DIP2C: variants seen among roughly 807,000 people sequenced by gnomAD.
DIP2C encodes DIP2 acetate--CoA ligase C (putative).
A neutral mutation model predicts 192.4 loss-of-function variants in DIP2C; 33 were observed. That is an observed-to-expected ratio of 0.17 (90% CI 0.13 to 0.23). The LOEUF (loss-of-function observed/expected upper bound fraction) is 0.23, where lower values mean the gene tolerates loss of function less well. Ranked by LOEUF, DIP2C falls within the 10% of genes least tolerant of loss-of-function variation. The pLI, the probability that DIP2C is intolerant of heterozygous loss-of-function variation, is 1.00. For missense variants in DIP2C, 1,537 were observed against 2,110.1 expected (o/e 0.73, Z 5.32); for synonymous variants, 979 against 864.1 (o/e 1.13, Z -2.33).
intron 1 of DIP2C, among the ~76,000 whole-genome samples, chr10:530,839 C>CG (rs1847322994): frequency 6.6e-6 from 1 of 152,100 alleles, no homozygotes. Flanking sequence ...CAAAGCCCCA[C>CG]GGCACTAACT....
intron 3 of DIP2C, among the ~76,000 whole-genome samples, chr10:442,287 C>G (rs1445419379): frequency 6.6e-6 from 1 of 152,092 alleles, no homozygotes; most frequent in Admixed American, 6.6e-5. Context: ...GAGACAGGAC[C>G]CAGACCCGCC....
At chr10:423,196 CATTT>C (rs1164040765) in intron 4 of DIP2C, among the ~76,000 whole-genome samples, 163 bp from the exon 5 acceptor site, 1 of 152,172 alleles carries the variant, frequency 6.6e-6, no homozygotes, top group African/African-American at 2.4e-5. Context: ...GATAATAAAC[CATTT>C]ATTTTAGCAT....
At chr10:325,424 C>G (rs1263209257) in intron 31 of DIP2C, among the ~76,000 whole-genome samples, 1 of 152,222 alleles carries the variant, frequency 6.6e-6, no homozygotes, top group Non-Finnish European at 1.5e-5. Flanking sequence ...ACGGGTTACT[C>G]TCTGCTCTCT....
intron 1 of DIP2C, among the ~76,000 whole-genome samples, chr10:577,751 G>A (rs1850259546): frequency 6.6e-6 from 1 of 151,978 alleles, no homozygotes; most frequent in Non-Finnish European, 1.5e-5. Flanking sequence ...GAAATGTAAG[G>A]CAACCTAGTA....
rs965998401 is a variant in DIP2C, at chr10:546,760, G to C, written c.86-60230C>G. On this transcript the variant is annotated intron_variant, in intron 1 of 36. Transcript: ENST00000280886. ...ACTGGTTAGAAAACACTGGTTCAGA[G>C]TTATGAGCAGCTTCCACATTTCATT... 1.0e-4 allele frequency among the ~76,000 whole-genome samples: 15 copies of C among 149,650 alleles called. No homozygotes were observed. In the South Asian group the frequency reaches 2.1e-3, roughly 21 times the overall value.
chr10:446,096 A>T (rs1302846031), intron 3 of DIP2C, among the ~76,000 whole-genome samples: 3 of 151,554 alleles, frequency 2.0e-5, no homozygotes, highest in African/African-American at 7.3e-5. Context: ...TGTTGCAAAG[A>T]GTCTCATGGT....
At chr10:576,102 A>G (rs1850132707) in intron 1 of DIP2C, among the ~76,000 whole-genome samples, 2 of 152,218 alleles carry the variant, frequency 1.3e-5, no homozygotes, top group African/African-American at 2.4e-5. Context: ...ACGCTCCTGT[A>G]CGGGTTTGCT....
chr10:551,620 G>A (rs1848592653), intron 1 of DIP2C, among the ~76,000 whole-genome samples: 1 of 152,202 alleles, frequency 6.6e-6, no homozygotes, highest in African/African-American at 2.4e-5. Context: ...AGAGAAAGGT[G>A]AGGGACTCAG....
chr10:621,497 AC>A (rs921045995), intron 1 of DIP2C, among the ~76,000 whole-genome samples: 1 of 145,610 alleles, frequency 6.9e-6, no homozygotes, highest in Non-Finnish European at 1.5e-5. Context: ...ATGAGCACAC[AC>A]CCCCCAGGGG....
chr10:668,124 C>T (rs1354102381), intron 1 of DIP2C: 2 of 151,228 alleles, frequency 1.3e-5, no homozygotes, highest in African/African-American at 4.9e-5. Flanking sequence ...CACAACACAA[C>T]ATACAACATA....
intron 1 of DIP2C, among the ~76,000 whole-genome samples, chr10:534,445 TTC>T (rs942006877): frequency 9.9e-5 from 15 of 152,190 alleles, no homozygotes; most frequent in Non-Finnish European, 1.8e-4. Context: ...GAAGAAATCC[TTC>T]TCTTTTTGTC....
chr10:422,361 C>A (rs888702570), intron 5 of DIP2C, among the ~76,000 whole-genome samples: 10 of 151,994 alleles, frequency 6.6e-5, no homozygotes, highest in African/African-American at 2.4e-4. Context: ...TGCTTTTTCT[C>A]ATACAGAGTA....
At chr10:550,910 G>A (rs1034849279) in intron 1 of DIP2C, among the ~76,000 whole-genome samples, 33 of 152,232 alleles carry the variant, frequency 2.2e-4, no homozygotes, top group Non-Finnish European at 8.8e-5. Flanking sequence ...GATGCGAACC[G>A]TGCACATGGC....
intron 1 of DIP2C, among the ~76,000 whole-genome samples, chr10:607,078 A>AGCACAGCCT (rs1554754073): frequency 6.6e-6 from 1 of 152,210 alleles, no homozygotes; most frequent in Admixed American, 6.5e-5. Context: ...GCCTGGGCCC[A>AGCACAGCCT]GCACGGCCTG....
At chr10:352,391 G>C (rs571845768) in intron 24 of DIP2C, among the ~76,000 whole-genome samples, 14 of 152,358 alleles carry the variant, frequency 9.2e-5, no homozygotes, top group African/African-American at 3.4e-4. Context: ...TCTCAATGCT[G>C]GTTGATGTCT....
intron 17 of DIP2C, among the ~76,000 whole-genome samples, chr10:378,583 A>G (rs569257490): frequency 1.1e-5 from 1 of 92,664 alleles, no homozygotes; most frequent in Non-Finnish European, 2.1e-5. Flanking sequence ...AGACATGTGA[A>G]CGCAGACATA....
intron 1 of DIP2C, among the ~76,000 whole-genome samples, chr10:548,938 A>AAAAAAG (rs1848451009): frequency 4.2e-5 from 6 of 142,366 alleles, no homozygotes; most frequent in Non-Finnish European, 6.1e-5. Context: ...AAAAAAAAAA[A>AAAAAAG]GTGAGTAAAG....
chr10:494,506 C>T (rs1437351028), intron 1 of DIP2C, among the ~76,000 whole-genome samples: 3 of 152,220 alleles, frequency 2.0e-5, no homozygotes, highest in Non-Finnish European at 2.9e-5. Context: ...CGGCTTTCTG[C>T]TCAGTTGCCT....
At chr10:454,217 G>T (rs1446890905) in intron 3 of DIP2C, among the ~76,000 whole-genome samples, 1 of 152,092 alleles carries the variant, frequency 6.6e-6, no homozygotes, top group Non-Finnish European at 1.5e-5. Flanking sequence ...TTAAGAGAAG[G>T]GCTTATTCAG....
Sources: allele counts gnomAD v4.1 joint callset (sites outside exome capture counted in the v4.1 genomes callset), GRCh38; gene constraint gnomAD v4.1.1; transcripts MANE v1.5; gene names NCBI Gene and HGNC (gene_info 2026-07-23, HGNC 2026-07-21).